The following AKAP13 variants were observed in gnomAD, a reference collection of about 807,000 sequenced individuals.
AKAP13 encodes the protein A-kinase anchor protein 13.
A neutral mutation model predicts 264.5 loss-of-function variants in AKAP13; 80 were observed. The ratio of observed to expected loss-of-function variants is 0.30; its 90% CI spans 0.25 to 0.36. The LOEUF is 0.36. Ranked by LOEUF, AKAP13 falls within the 10% of genes least tolerant of loss-of-function variation. The pLI, the probability that AKAP13 is intolerant of heterozygous loss-of-function variation, is 1.00. For missense variants in AKAP13, 3,712 were observed against 3,435.2 expected (o/e 1.08, Z -2.01); for synonymous variants, 1,380 against 1,250.2 (o/e 1.10, Z -2.19).
At chr15:85,535,290 A>C (rs1490552548) in intron 4 of AKAP13, 1 of 152,180 alleles carries the variant, frequency 6.6e-6, no homozygotes, top group Non-Finnish European at 1.5e-5. Flanking sequence ...ATCTACACTA[A>C]ATTTAACAGT....
chr15:85,657,527 T>G lies in AKAP13; in HGVS notation c.4746-1010T>G, dbSNP rs1182583548. Among the ~76,000 whole-genome samples the G allele has an allele frequency of 3.3e-5, 5 of 152,338 alleles. No individual in the cohort carries two copies. The East Asian group carries it at 7.7e-4, about 24-fold the overall frequency. On this transcript the variant is annotated intron_variant, in intron 11 of 36. Transcript: ENST00000394518. The stretch of plus-strand genomic sequence containing the variant: ...ACTGGTGCAGGTAGTTTGCATCATT[T>G]ATCCAAGGTCTCTGGTCTCTTAGTC...
chr15:85,693,033 A>G (rs748603043), intron 16 of AKAP13: 50 of 488,672 alleles, frequency 1.0e-4, no homozygotes, highest in Non-Finnish European at 1.5e-4. Flanking sequence ...GAAGTAACCA[A>G]TGAATAAGCC....
chr15:85,459,033 A>G (rs1433078711), intron 1 of AKAP13, among the ~76,000 whole-genome samples: 1 of 152,174 alleles, frequency 6.6e-6, no homozygotes, highest in Non-Finnish European at 1.5e-5. Context: ...ATGATTCCCA[A>G]ATCTACAGCT....
intron 8 of AKAP13, among the ~76,000 whole-genome samples, chr15:85,619,124 T>C (rs923058429): frequency 8.5e-5 from 13 of 152,080 alleles, no homozygotes; most frequent in African/African-American, 3.1e-4. Context: ...CATCTTGCAA[T>C]GCCTGACAGA....
chr15:85,579,007 A>C lies in AKAP13; in HGVS notation c.939A>C (p.Thr313=). The C allele has an allele frequency of 6.2e-7, 1 of 1,614,144 alleles. No individual in the cohort carries two copies. The highest frequency in any genetic ancestry group is 8.5e-7 in the Non-Finnish European group (1 of 1,180,030). The change falls in exon 7 of 37, where the codon ACA becomes ACC. Residue 313 remains threonine, a synonymous_variant. Coordinates refer to ENST00000394518, the MANE Select transcript of AKAP13 (RefSeq NM_007200.5). ...AGGATCCTTCCAGTGCCCCAGAGACAGATGGCCAGTTTCTTCCCTGTGCAC... is the reference window on the plus strand; with the variant it reads ...AGGATCCTTCCAGTGCCCCAGAGACCGATGGCCAGTTTCTTCCCTGTGCAC... ...TAQDPSSAPE[T]DGQFLPCAPE...
chr15:85,406,904 G>A (rs2071694138), intron 1 of AKAP13, among the ~76,000 whole-genome samples: 1 of 151,722 alleles, frequency 6.6e-6, no homozygotes, highest in African/African-American at 2.4e-5. Flanking sequence ...CATATTATGG[G>A]CTAGGCCCTG....
chr15:85,517,693 A>C (rs987059310), intron 2 of AKAP13, among the ~76,000 whole-genome samples: 1 of 152,140 alleles, frequency 6.6e-6, no homozygotes, highest in African/African-American at 2.4e-5. Flanking sequence ...TTTGCAAATA[A>C]GTGATTTGAT....
intron 1 of AKAP13, among the ~76,000 whole-genome samples, chr15:85,441,013 A>G (rs891524158): frequency 5.3e-5 from 8 of 152,220 alleles, no homozygotes; most frequent in African/African-American, 1.9e-4. Flanking sequence ...CATTGGTGTC[A>G]TTCGAAGGTT....
At chr15:85,430,370 C>T (rs1172428176) in intron 1 of AKAP13, among the ~76,000 whole-genome samples, 2 of 152,148 alleles carry the variant, frequency 1.3e-5, no homozygotes, top group Non-Finnish European at 2.9e-5. Context: ...CTTGTCTTTC[C>T]TAAGCATTTA....
chr15:85,401,688 G>T (rs1167691711), intron 1 of AKAP13, among the ~76,000 whole-genome samples: 1 of 152,156 alleles, frequency 6.6e-6, no homozygotes, highest in Non-Finnish European at 1.5e-5. Context: ...TAGGACCTTG[G>T]TATCTCACAT....
At chr15:85,646,020 A>G in intron 10 of AKAP13, 66 bp downstream of exon 10, 5 of 1,553,532 alleles carry the variant, frequency 3.2e-6, no homozygotes, top group South Asian at 1.2e-5. Context: ...GGCTTCCCAA[A>G]CTCTTTTCCA....
chr15:85,380,702 G>T lies in AKAP13; in HGVS notation c.-108G>T, dbSNP rs1030433659. The T allele has an allele frequency of 1.2e-4, 19 of 152,584 alleles. No homozygotes were observed. The highest frequency in any genetic ancestry group is 3.6e-4 in the African/African-American group (15 of 41,464). The allele number at this position is 152,584 out of a possible 1,614,324, so 9.5% of individuals were successfully genotyped here. The stretch of plus-strand genomic sequence containing the variant: ...GCTCGCCTCGGTCGCCGCCGCTTTA[G>T]CCGCCTCCGGGGGAGCGGCCGCCTA... On this transcript the variant is annotated 5_prime_UTR_variant, in exon 1 of 37. Coordinates refer to ENST00000394518, the MANE Select transcript of AKAP13 (RefSeq NM_007200.5).
At chr15:85,486,451 C>G (rs2075548243) in intron 2 of AKAP13, among the ~76,000 whole-genome samples, 1 of 152,096 alleles carries the variant, frequency 6.6e-6, no homozygotes, top group Non-Finnish European at 1.5e-5. Flanking sequence ...AAGAGTCCAA[C>G]TTTTTTCTTT....
chr15:85,729,871 G>C (rs972321155), intron 29 of AKAP13, among the ~76,000 whole-genome samples: 12 of 152,164 alleles, frequency 7.9e-5, no homozygotes, highest in African/African-American at 2.9e-4. Flanking sequence ...TTGAACCCAG[G>C]AGGTGGAGGT....
chr15:85,459,756 C>T (rs569591161), intron 1 of AKAP13, among the ~76,000 whole-genome samples: 2 of 152,296 alleles, frequency 1.3e-5, no homozygotes, highest in South Asian at 2.1e-4. Flanking sequence ...GCCTCAGCCT[C>T]CCAAAGTGCT....
chr15:85,630,202 CACACACATCAT>C (rs750286078), intron 8 of AKAP13, among the ~76,000 whole-genome samples: 4,467 of 61,244 alleles, frequency 0.073, 156 homozygotes, highest in African/African-American at 0.17. Flanking sequence ...CACACACACA[CACACACATCAT>C]GAACTAAGAT....
At position 85,726,479 on chromosome 15, in the gene AKAP13, C is replaced by T; in HGVS notation, c.6815C>T (p.Ala2272Val). ...LQEKDQKYIF[A>V]SLDQKSTVIS... ...GAAAAAGACCAGAAGTACATCTTTG[C>T]ATCATTGGTAAGCTGAATTGTTATT... The change falls in exon 27 of 37, where the codon GCA becomes GTA. Residue 2272 changes from alanine (A) to valine (V), a missense_variant. Coordinates refer to ENST00000394518, the MANE Select transcript of AKAP13 (RefSeq NM_007200.5). The T allele has an allele frequency of 6.2e-7, 1 of 1,611,260 alleles. No homozygotes were observed. Among genetic ancestry groups the T allele is most frequent in the Non-Finnish European group, 8.5e-7 (1 of 1,177,584 alleles).
intron 34 of AKAP13, chr15:85,740,573 A>C: frequency 4.9e-6 from 2 of 405,562 alleles, no homozygotes; most frequent in South Asian, 8.8e-5. Flanking sequence ...TATGATTATA[A>C]GTTTCTATAT....
chr15:85,399,518 A>AAAT (rs2071301684), intron 1 of AKAP13, among the ~76,000 whole-genome samples: 1 of 126,988 alleles, frequency 7.9e-6, no homozygotes, highest in African/African-American at 3.1e-5. Context: ...AAAAAAAAAA[A>AAAT]AAAATAAAAA....
Sources: gnomAD v4.1 joint callset for allele counts (sites outside exome capture counted in the v4.1 genomes callset) on GRCh38, gnomAD v4.1.1 for gene constraint, MANE v1.5 for transcripts, NCBI Gene and HGNC (gene_info 2026-07-23, HGNC 2026-07-21) for gene names.